NOS1: variants seen among roughly 807,000 people sequenced by gnomAD.
The protein encoded by NOS1 is NOS type I.
In NOS1, 51 loss-of-function variants were observed where a neutral mutation model predicts 164.5. The observed-to-expected ratio is 0.31, with a 90% CI of 0.25 to 0.39. NOS1 has a LOEUF of 0.39. Among genes scored for constraint, NOS1 ranks in the 10% least tolerant of loss-of-function variants. NOS1 has a pLI of 1.00. For missense variants in NOS1, 1,362 were observed against 1,885.6 expected (o/e 0.72, Z 5.14); for synonymous variants, 719 against 745.8 (o/e 0.96, Z 0.59).
intron 17 of NOS1, among the ~76,000 whole-genome samples, chr12:117,249,650 A>G (rs1042762497): frequency 1.3e-5 from 2 of 152,146 alleles, no homozygotes; most frequent in African/African-American, 2.4e-5. Context: ...GGTCTATGAA[A>G]TTAATTTGCT....
chr12:117,238,471 T>C (rs1869900701), intron 20 of NOS1, among the ~76,000 whole-genome samples: 1 of 152,132 alleles, frequency 6.6e-6, no homozygotes, highest in East Asian at 1.9e-4. Context: ...AACCCATTTC[T>C]CCAGGACCCC....
In NOS1 at chr12:117,232,204, C is replaced by T. The variant is rs1869298353; in HGVS notation, c.3236-73G>A. 2.1e-6 allele frequency: 3 copies of T among 1,451,324 alleles called. No individual in the cohort carries two copies. The East Asian group carries it at 6.9e-5, about 33-fold the overall frequency. The allele number at this position is 1,451,324 out of a possible 1,614,324, so 89.9% of individuals were successfully genotyped here. On this transcript the variant is annotated intron_variant, in intron 21 of 28. Transcript: ENST00000317775. ...TCCAAGTCGGGGGTTCAGGTCTGCT[C>T]CTGGAGCAGAGGATGGGGCCAGGAG...
chr12:117,328,328 G>A (rs1474034885), intron 2 of NOS1, among the ~76,000 whole-genome samples: 5 of 151,866 alleles, frequency 3.3e-5, no homozygotes, highest in Admixed American at 1.3e-4. Context: ...CCACCATCAT[G>A]CCTGGCTAAT....
At chr12:117,339,427 A>G (rs997982814) in intron 1 of NOS1, among the ~76,000 whole-genome samples, 6 of 152,198 alleles carry the variant, frequency 3.9e-5, no homozygotes, top group African/African-American at 1.4e-4. Context: ...ACTCTCTTAC[A>G]TTGCTGCCAA....
In NOS1 at chr12:117,212,085, C is replaced by A; in HGVS notation, c.*3224G>T. 1 of 984,578 alleles carries A rather than the reference C, an allele frequency of 1.0e-6. No individual in the cohort carries two copies. Among genetic ancestry groups the A allele is most frequent in the Non-Finnish European group, 1.2e-6 (1 of 829,348 alleles). The allele number at this position is 984,578 out of a possible 1,614,324, so 61.0% of individuals were successfully genotyped here. ...TGTCAAAAAAAAAAATAGATTCTAA[C>A]CTTCTGCACGAGAGGAACTGTGTTT... On this transcript the variant is annotated 3_prime_UTR_variant, in exon 29 of 29. Coordinates refer to ENST00000317775, the MANE Select transcript of NOS1 (RefSeq NM_000620.5).
chr12:117,275,439 C>T (rs1308961850), intron 9 of NOS1, among the ~76,000 whole-genome samples: 1 of 151,754 alleles, frequency 6.6e-6, no homozygotes, highest in Non-Finnish European at 1.5e-5. Context: ...TAGGTAGAAG[C>T]TACAAAAAAA....
intron 1 of NOS1, among the ~76,000 whole-genome samples, chr12:117,343,612 G>A (rs756239603): frequency 6.6e-5 from 10 of 152,292 alleles, no homozygotes; most frequent in African/African-American, 4.8e-5. Context: ...GATGGACACC[G>A]TAAAGGGCAC....
chr12:117,305,650 G>A (rs1874103636), intron 3 of NOS1, among the ~76,000 whole-genome samples: 1 of 152,034 alleles, frequency 6.6e-6, no homozygotes, highest in African/African-American at 2.4e-5. Flanking sequence ...CGGTAATAGG[G>A]CTGTTTCCTT....
intron 1 of NOS1, among the ~76,000 whole-genome samples, chr12:117,353,933 C>G (rs2136096642): frequency 6.6e-6 from 1 of 152,238 alleles, no homozygotes; most frequent in Non-Finnish European, 1.5e-5. Flanking sequence ...GAATCCACCT[C>G]TACAAAAGCA....
chr12:117,341,120 C>A (rs1201125428), intron 1 of NOS1, among the ~76,000 whole-genome samples: 1 of 152,128 alleles, frequency 6.6e-6, no homozygotes, highest in East Asian at 1.9e-4. Flanking sequence ...TAATTATCAT[C>A]ACGTAAGCAG....
In NOS1 at chr12:117,233,026, C is replaced by T. The variant is rs533699775; in HGVS notation, c.3236-895G>A. 1.9e-4 allele frequency among the ~76,000 whole-genome samples: 27 copies of T among 145,102 alleles called. No individual in the cohort carries two copies. The South Asian group carries it at 5.8e-3, about 31-fold the overall frequency. ...GGGACTACAGACGTGTGCCATCATGCCTCACTACTTTTTTTTTTTTTTTTT... is the reference window on the plus strand; with the variant it reads ...GGGACTACAGACGTGTGCCATCATGTCTCACTACTTTTTTTTTTTTTTTTT... On this transcript the variant is annotated intron_variant, in intron 21 of 28. Transcript: ENST00000317775.
rs913371789 is a variant in NOS1 at position 117,272,322 on chromosome 12, A to T, written c.1839+63T>A. 1.9e-6 allele frequency: 3 copies of T among 1,573,022 alleles called. No homozygotes were observed. The African/African-American group carries it at 4.1e-5, about 21-fold the overall frequency. On this transcript the variant is annotated intron_variant, in intron 10 of 28. Transcript: ENST00000317775. This position sits in a 1 kb window ranked among gnomAD's most constrained non-coding sequence, Gnocchi z 4.3. ...CACCAAGCTCGCCGTGGGGAAGGGG[A>T]CTGCTGAGCTGGCACCCTCTGCTAT...
intron 1 of NOS1, among the ~76,000 whole-genome samples, chr12:117,334,712 T>C (rs1051535910): frequency 2.6e-5 from 4 of 152,160 alleles, no homozygotes; most frequent in East Asian, 1.9e-4. Context: ...ATTATCTTAA[T>C]AACAATTCCA....
intron 1 of NOS1, among the ~76,000 whole-genome samples, chr12:117,359,464 C>T (rs1339582375): frequency 1.3e-5 from 2 of 152,204 alleles, no homozygotes; most frequent in Non-Finnish European, 2.9e-5. Flanking sequence ...ATTAGAGAAG[C>T]ACTAAAGAAA....
intron 1 of NOS1, among the ~76,000 whole-genome samples, chr12:117,360,868 T>C (rs968576078): frequency 1.3e-5 from 2 of 152,012 alleles, no homozygotes; most frequent in African/African-American, 4.8e-5. Context: ...GGCTCCGCCA[T>C]TACCGCCAGC....
intron 16 of NOS1, chr12:117,255,842 C>T: frequency 1.4e-6 from 1 of 705,736 alleles, no homozygotes; most frequent in Admixed American, 3.6e-5. Flanking sequence ...CTCGGATCTC[C>T]TTGAGACCTA....
At chr12:117,250,695 G>A (rs145883810) in intron 17 of NOS1, among the ~76,000 whole-genome samples, 32 of 152,164 alleles carry the variant, frequency 2.1e-4, no homozygotes, top group African/African-American at 6.0e-4. Flanking sequence ...GCAGGGTGGC[G>A]GCCTGACAGG....
intron 10 of NOS1, among the ~76,000 whole-genome samples, chr12:117,271,392 C>A (rs1024638287): frequency 6.6e-6 from 1 of 152,078 alleles, no homozygotes; most frequent in African/African-American, 2.4e-5. Flanking sequence ...ATTCTCCTGG[C>A]TCAGCCTTCT....
In NOS1 at chr12:117,208,872, G is replaced by C; in HGVS notation, c.*6437C>G. On this transcript the variant is annotated 3_prime_UTR_variant, in exon 29 of 29. Coordinates refer to ENST00000317775, the MANE Select transcript of NOS1 (RefSeq NM_000620.5). ...CGAGTAGATGGGATTACAGATGCCC[G>C]CCACCACGCCGGGCTGATTTTTGTA... 3.3e-6 allele frequency: 2 copies of C among 602,270 alleles called. No homozygotes were observed. The highest frequency in any genetic ancestry group is 4.2e-6 in the Non-Finnish European group (2 of 479,530). 37.3% of individuals were successfully genotyped at this position (602,270 alleles called of 1,614,324 possible).
Sources: gnomAD v4.1 joint callset for allele counts (sites outside exome capture counted in the v4.1 genomes callset) on GRCh38, gnomAD v4.1.1 for gene constraint, Gnocchi (gnomAD v3.1) non-coding constraint, MANE v1.5 for transcripts, NCBI Gene and HGNC (gene_info 2026-07-23, HGNC 2026-07-21) for gene names.